AK8: variants seen among roughly 807,000 people sequenced by gnomAD.
AK8 encodes ATP-AMP transphosphorylase 8.
A neutral mutation model predicts 54.6 loss-of-function variants in AK8; 44 were observed. The observed-to-expected ratio is 0.81, with a 90% CI of 0.63 to 1.04. AK8 has a LOEUF of 1.04. Among genes scored for constraint, AK8 ranks in the 50% least tolerant of loss-of-function variants. The probability of loss-of-function intolerance (pLI) is 0.00; values close to 1 mark genes in which losing one functional copy is unlikely to be tolerated. For synonymous variants in AK8, 239 were observed against 245.6 expected, an observed-to-expected ratio of 0.97 and a Z score of 0.25; for missense variants, 555 against 613.6, an observed-to-expected ratio of 0.90 and a Z score of 1.01.
intron 4 of AK8, among the ~76,000 whole-genome samples, chr9:132,857,697 G>T (rs1843228660): frequency 6.6e-6 from 1 of 152,198 alleles, no homozygotes; most frequent in Non-Finnish European, 1.5e-5. Flanking sequence ...GCAGAGAAGG[G>T]TGCCAACCAG....
chr9:132,786,392 G>A (rs1307573527), intron 11 of AK8, among the ~76,000 whole-genome samples: 2 of 152,134 alleles, frequency 1.3e-5, no homozygotes, highest in African/African-American at 4.8e-5. Flanking sequence ...TAAACACAGG[G>A]GAATTAAGTA....
At chr9:132,797,711 ATTTT>A (rs200284339) in intron 10 of AK8, among the ~76,000 whole-genome samples, 1 of 151,800 alleles carries the variant, frequency 6.6e-6, no homozygotes, top group African/African-American at 2.4e-5. Context: ...TAAAAATGTG[ATTTT>A]TTTTTAAAGG....
intron 11 of AK8, among the ~76,000 whole-genome samples, chr9:132,732,552 G>T (rs755561960): frequency 6.6e-6 from 1 of 152,116 alleles, no homozygotes; most frequent in African/African-American, 2.4e-5. Flanking sequence ...GATCCAAGCC[G>T]GGTCTATGAG....
At chr9:132,765,858 G>A (rs189281851) in intron 11 of AK8, among the ~76,000 whole-genome samples, 261 of 152,234 alleles carry the variant, frequency 1.7e-3, no homozygotes, top group Non-Finnish European at 2.9e-3. Context: ...ACACAAAAAA[G>A]AAATAAAGGT....
At chr9:132,815,310 C>T (rs545594920) in intron 9 of AK8, among the ~76,000 whole-genome samples, 18 of 152,300 alleles carry the variant, frequency 1.2e-4, no homozygotes, top group African/African-American at 2.9e-4. Context: ...GTAATCCCAG[C>T]TTTTTGGCTG....
chr9:132,838,345 A>G (rs1265992173), intron 5 of AK8, among the ~76,000 whole-genome samples: 2 of 152,200 alleles, frequency 1.3e-5, no homozygotes, highest in Admixed American at 1.3e-4. Context: ...CAGTGAAAGA[A>G]CCAAGTTTCC....
intron 10 of AK8, among the ~76,000 whole-genome samples, chr9:132,800,844 A>G (rs1474619223): frequency 1.3e-5 from 2 of 151,554 alleles, no homozygotes; most frequent in Non-Finnish European, 2.9e-5. Context: ...CAAAGACAAG[A>G]CTGAGGTGCC....
intron 2 of AK8, 89 bp downstream of exon 2, chr9:132,875,026 G>C: frequency 6.6e-7 from 1 of 1,517,056 alleles, no homozygotes. Flanking sequence ...AGAGGAAGAG[G>C]AGGAGGAGGC....
intron 11 of AK8, among the ~76,000 whole-genome samples, chr9:132,744,591 AC>A (rs1195640073): frequency 6.6e-6 from 1 of 152,220 alleles, no homozygotes. Context: ...AATAGGATTC[AC>A]TTCTGGAAAA....
chr9:132,875,469 C>T (rs1485372470), intron 1 of AK8, among the ~76,000 whole-genome samples: 2 of 152,198 alleles, frequency 1.3e-5, no homozygotes, highest in African/African-American at 2.4e-5. Context: ...CCAGGGCTCT[C>T]TCCCCTGGGG....
chr9:132,754,957 G>A (rs1005856256), intron 11 of AK8, among the ~76,000 whole-genome samples: 4 of 151,900 alleles, frequency 2.6e-5, no homozygotes, highest in South Asian at 2.1e-4. Context: ...GTGCCACCAC[G>A]CCAGGCTAAT....
At chr9:132,864,120 A>G (rs980340076) in intron 3 of AK8, among the ~76,000 whole-genome samples, 1 of 152,142 alleles carries the variant, frequency 6.6e-6, no homozygotes, top group African/African-American at 2.4e-5. Flanking sequence ...AACTTTGAGG[A>G]CAGAACCTAA....
intron 8 of AK8, among the ~76,000 whole-genome samples, chr9:132,824,302 C>A (rs988129018): frequency 6.6e-6 from 1 of 152,250 alleles, no homozygotes; most frequent in Non-Finnish European, 1.5e-5. Context: ...CCAGGGAGAC[C>A]TTCCCCCTCC....
At chr9:132,729,159 A>ACAGG (rs1317149756) in intron 11 of AK8, among the ~76,000 whole-genome samples, 7 of 152,220 alleles carry the variant, frequency 4.6e-5, no homozygotes, top group Non-Finnish European at 8.8e-5. Context: ...CGCTGGGATT[A>ACAGG]CAGGCATGAG....
chr9:132,867,210 T>A (rs935148791), intron 2 of AK8, among the ~76,000 whole-genome samples: 5 of 152,060 alleles, frequency 3.3e-5, no homozygotes, highest in African/African-American at 9.7e-5. Context: ...TTTACCAAAC[T>A]CATAAATATC....
chr9:132,729,025 G>A (rs1387193983), intron 11 of AK8, among the ~76,000 whole-genome samples: 2 of 151,992 alleles, frequency 1.3e-5, no homozygotes, highest in African/African-American at 2.4e-5. Context: ...TGGGACTACA[G>A]GTGTGCACCA....
chr9:132,728,866 CCT>C (rs894689352), intron 11 of AK8, among the ~76,000 whole-genome samples: 16 of 151,920 alleles, frequency 1.1e-4, no homozygotes, highest in Admixed American at 2.0e-4. Flanking sequence ...TCCCCACCCC[CCT>C]TTTTAGGGCA....
chr9:132,850,392 C>T (rs1341506327), intron 5 of AK8, among the ~76,000 whole-genome samples: 1 of 118,336 alleles, frequency 8.5e-6, no homozygotes, highest in Non-Finnish European at 1.7e-5. Context: ...GCATTCAACC[C>T]TAATACTTTT....
intron 12 of AK8, among the ~76,000 whole-genome samples, chr9:132,727,050 T>A (rs897187397): frequency 3.9e-5 from 6 of 152,048 alleles, no homozygotes; most frequent in African/African-American, 1.2e-4. Context: ...CTCCTGTAAC[T>A]ATGGGAAGCC....
Sources: gnomAD v4.1 joint callset for allele counts (sites outside exome capture counted in the v4.1 genomes callset) on GRCh38, gnomAD v4.1.1 for gene constraint, MANE v1.5 for transcripts, NCBI Gene and HGNC (gene_info 2026-07-23, HGNC 2026-07-21) for gene names.